PIGZ: variants seen among roughly 807,000 people sequenced by gnomAD.
PIGZ encodes GPI alpha-1,2-mannosyltransferase 4.
Under a neutral mutation model 16.4 loss-of-function variants are expected in PIGZ, and 16 were observed. That is an observed-to-expected ratio of 0.97 (90% CI 0.66 to 1.48). PIGZ has a LOEUF of 1.48. Among genes scored for constraint, PIGZ ranks in the 40% most tolerant of loss-of-function variants. The probability of loss-of-function intolerance (pLI) is 0.00; values close to 1 mark genes in which losing one functional copy is unlikely to be tolerated. For synonymous variants in PIGZ, 409 were observed against 338.4 expected (o/e 1.21, Z -2.29); for missense variants, 770 against 739.2 (o/e 1.04, Z -0.48).
Position 196,965,085 on chromosome 3 carries a change from A to G in PIGZ, c.-1+3602T>C, listed in dbSNP as rs1311971454. On this transcript the variant is annotated intron_variant, in intron 1 of 2. Transcript: ENST00000412723. This position sits in a 1 kb window ranked among gnomAD's most constrained non-coding sequence, Gnocchi z 4.2. ...CCCTGTCCCCATGCTCCCTACAGCA[A>G]TGAGGAAACTACCATGTATTAGTGT... 6.6e-6 allele frequency among the ~76,000 whole-genome samples: 1 copy of G among 152,210 alleles called. No individual in the cohort carries two copies. Among genetic ancestry groups the G allele is most frequent in the Non-Finnish European group, 1.5e-5 (1 of 68,038 alleles).
intron 1 of PIGZ, among the ~76,000 whole-genome samples, chr3:196,954,866 C>T (rs1717418167): frequency 6.6e-6 from 1 of 151,750 alleles, no homozygotes; most frequent in Non-Finnish European, 1.5e-5. Context: ...ACATTCTATA[C>T]TTACTGGATA....
intron 1 of PIGZ, among the ~76,000 whole-genome samples, chr3:196,954,738 G>A (rs1326505827): frequency 1.3e-5 from 2 of 152,128 alleles, no homozygotes; most frequent in Non-Finnish European, 2.9e-5. Context: ...TCAACTTTTG[G>A]TTCTAAATAT....
chr3:196,952,116 T>C, intron 1 of PIGZ, 85 bp from the exon 2 acceptor site: 1 of 1,271,550 alleles, frequency 7.9e-7, no homozygotes, highest in Non-Finnish European at 1.1e-6. Context: ...GGATCTGTCA[T>C]TTAATAAAAA....
chr3:196,948,324 C>T lies in PIGZ; in HGVS notation c.573G>A (p.Leu191=). Residue 191 remains leucine (L), a synonymous_variant, in exon 3 of 3, where the codon CTG becomes CTA. Coordinates refer to ENST00000412723, the MANE Select transcript of PIGZ (RefSeq NM_025163.4). The part of the protein sequence containing the change: ...EGLLFTWLLV[L]VSSHVTWGPT... ...GGCCCCACGTTACATGGGAGGATAC[C>T]AGCACCAGCAGCCACGTGAAGAGGA... 1 of 1,614,142 alleles carries T rather than the reference C, an allele frequency of 6.2e-7. No homozygotes were observed. The highest frequency in any genetic ancestry group is 1.3e-5 in the African/African-American group (1 of 75,036).
chr3:196,956,947 G>A (rs770782348), intron 1 of PIGZ, among the ~76,000 whole-genome samples: 2 of 152,114 alleles, frequency 1.3e-5, no homozygotes, highest in African/African-American at 2.4e-5. Context: ...TCTTGTTTCT[G>A]CTGGATCTCA....
intron 2 of PIGZ, among the ~76,000 whole-genome samples, chr3:196,949,628 C>T (rs2108901436): frequency 6.6e-6 from 1 of 152,216 alleles, no homozygotes; most frequent in East Asian, 1.9e-4. Flanking sequence ...TGTGAACTCA[C>T]AGACGGGTGC....
chr3:196,967,766 A>G (rs372423709), intron 1 of PIGZ, among the ~76,000 whole-genome samples: 5 of 152,256 alleles, frequency 3.3e-5, no homozygotes, highest in African/African-American at 7.2e-5. Context: ...GCCCGTGTTT[A>G]TCCTTCGCTT....
chr3:196,965,287 C>T lies in PIGZ; in HGVS notation c.-1+3400G>A, dbSNP rs771504198. 1.3e-5 allele frequency among the ~76,000 whole-genome samples: 2 copies of T among 152,200 alleles called. No individual in the cohort carries two copies. The highest frequency in any genetic ancestry group is 2.9e-5 in the Non-Finnish European group (2 of 68,034). ...GGAAGGGGAAGCAGGCACCTCTTCA[C>T]AAGGTGGCAAGAGAGAGTGTGAGTG... On this transcript the variant is annotated intron_variant, in intron 1 of 2. Transcript: ENST00000412723. This position sits in a 1 kb window ranked among gnomAD's most constrained non-coding sequence, Gnocchi z 4.2.
intron 1 of PIGZ, among the ~76,000 whole-genome samples, chr3:196,955,112 G>A (rs1717426427): frequency 6.6e-6 from 1 of 152,142 alleles, no homozygotes; most frequent in Non-Finnish European, 1.5e-5. Context: ...TTTTTGTAGA[G>A]ACAAAGTCTT....
chr3:196,958,175 C>T (rs1428258356), intron 1 of PIGZ, among the ~76,000 whole-genome samples: 2 of 152,200 alleles, frequency 1.3e-5, no homozygotes, highest in East Asian at 3.8e-4. Flanking sequence ...GCACTTTATT[C>T]CTTTTATAAT....
At chr3:196,949,801 C>T (rs1717194526) in intron 2 of PIGZ, among the ~76,000 whole-genome samples, 1 of 151,912 alleles carries the variant, frequency 6.6e-6, no homozygotes, top group Admixed American at 6.6e-5. Context: ...GAGGCCTAAC[C>T]TCTTCTCAGG....
At chr3:196,966,989 T>C (rs1026982798) in intron 1 of PIGZ, among the ~76,000 whole-genome samples, 2 of 151,732 alleles carry the variant, frequency 1.3e-5, no homozygotes, top group Admixed American at 6.6e-5. Context: ...GGAGCAGGCA[T>C]TGACAACCAC....
chr3:196,948,271 G>A lies in PIGZ; in HGVS notation c.626C>T (p.Pro209Leu). The change falls in exon 3 of 3, where the codon CCA becomes CTA. Residue 209 changes from proline (P) to leucine (L), a missense_variant. Pro to Leu is a moderately conservative substitution (Grantham distance 98). Coordinates refer to ENST00000412723, the MANE Select transcript of PIGZ (RefSeq NM_025163.4). ...GPTRKEPAPG[P>L]RWRSWLLGGI... ...TCCAAGAAGCCAGCTGCGCCACCGT[G>A]GACCCGGCGCCGGCTCCTTGCGTGT... 2 of 1,614,140 alleles carry A rather than the reference G, an allele frequency of 1.2e-6. No individual in the cohort carries two copies. The highest frequency in any genetic ancestry group is 1.1e-5 in the South Asian group (1 of 91,076).
intron 1 of PIGZ, among the ~76,000 whole-genome samples, chr3:196,960,751 G>GAAAGAAAGAAAGAAAGAAAGA (rs1435353979): frequency 6.6e-6 from 1 of 150,756 alleles, no homozygotes; most frequent in East Asian, 1.9e-4. Context: ...AAGAAAGAAA[G>GAAAGAAAGAAAGAAAGAAAGA]AAAGAAAGAA....
At chr3:196,968,333 C>G (rs1477834228) in intron 1 of PIGZ, among the ~76,000 whole-genome samples, 1 of 152,220 alleles carries the variant, frequency 6.6e-6, no homozygotes, top group Non-Finnish European at 1.5e-5. Context: ...TTATGGGCCT[C>G]CCTGAGAACA....
intron 1 of PIGZ, among the ~76,000 whole-genome samples, chr3:196,960,109 C>A (rs921018950): frequency 6.6e-6 from 1 of 152,176 alleles, no homozygotes. Flanking sequence ...TTACAAAACC[C>A]AGCTAAGTTC....
rs1334208503 is a variant in PIGZ, at chr3:196,947,480, G to T, written c.1417C>A (p.Leu473Ile). 3 of 1,613,648 alleles carry T rather than the reference G, an allele frequency of 1.9e-6. No homozygotes were observed. The Admixed American group carries it at 5.0e-5, about 27-fold the overall frequency. ...GGTGCCCCCAGGCCTGGGAGGTGTAGGAGGTGCCGGGGGGGCATGTAGGTG... is the reference window on the plus strand; with the variant it reads ...GGTGCCCCCAGGCCTGGGAGGTGTATGAGGTGCCGGGGGGGCATGTAGGTG... Reference protein sequence around the residue: ...THTYMPPRHLLHLPGLGAPVE... With the variant: ...THTYMPPRHLIHLPGLGAPVE... The change falls in exon 3 of 3, where the codon CTA (leucine) becomes ATA (isoleucine). Residue 473 changes from leucine (L) to isoleucine (I), a missense_variant. Transcript: ENST00000412723.
intron 1 of PIGZ, among the ~76,000 whole-genome samples, chr3:196,957,197 G>A (rs2108910332): frequency 6.6e-6 from 1 of 151,748 alleles, no homozygotes; most frequent in East Asian, 1.9e-4. Context: ...GTGTGTGTGT[G>A]TGTGTATGTG....
intron 1 of PIGZ, among the ~76,000 whole-genome samples, chr3:196,953,776 G>C (rs552702853): frequency 6.0e-4 from 91 of 152,064 alleles, no homozygotes; most frequent in African/African-American, 2.0e-3. Context: ...TGAGATGAAA[G>C]GATCGCTTGA....
Sources: gnomAD v4.1 joint callset for allele counts (sites outside exome capture counted in the v4.1 genomes callset) on GRCh38, gnomAD v4.1.1 for gene constraint, Gnocchi (gnomAD v3.1) non-coding constraint, MANE v1.5 for transcripts, NCBI Gene and HGNC (gene_info 2026-07-23, HGNC 2026-07-21) for gene names.